CDKL5: variants seen among roughly 807,000 people sequenced by gnomAD.
CDKL5 encodes cyclin-dependent kinase-like 5.
Under a neutral mutation model 61.7 loss-of-function variants are expected in CDKL5, and 8 were observed. The ratio of observed to expected loss-of-function variants is 0.13; its 90% CI spans 0.08 to 0.23. The LOEUF is 0.23. Among genes scored for constraint, CDKL5 ranks in the 10% least tolerant of loss-of-function variants. CDKL5 has a pLI of 1.00. For synonymous variants in CDKL5, 275 were observed against 272.3 expected (o/e 1.01, Z -0.10); for missense variants, 440 against 734.5 (o/e 0.60, Z 4.63).
chrX:18,594,756 C>T lies in CDKL5; in HGVS notation c.745-592C>T, dbSNP rs147211691. 2.8e-3 allele frequency among the ~76,000 whole-genome samples: 315 copies of T among 112,788 alleles called. 1 individual carries two copies. Among genetic ancestry groups the T allele is most frequent in the Non-Finnish European group, 5.1e-3 (270 of 53,328 alleles). ...TATAATCAGATGATATTCTATTTTACTGCATAATTAGTTCAAATTTTTATA... is the reference window on the plus strand; with the variant it reads ...TATAATCAGATGATATTCTATTTTATTGCATAATTAGTTCAAATTTTTATA... On this transcript the variant is annotated intron_variant, in intron 9 of 17. Coordinates refer to ENST00000623535, the MANE Select transcript of CDKL5 (RefSeq NM_001323289.2).
At chrX:18,597,489 C>T (rs1174543851) in intron 10 of CDKL5, among the ~76,000 whole-genome samples, 1 of 109,366 alleles carries the variant, frequency 9.1e-6, no homozygotes, top group African/African-American at 3.3e-5. Flanking sequence ...GTTTTCCCTC[C>T]AAGTACTGAA....
intron 1 of CDKL5, among the ~76,000 whole-genome samples, chrX:18,461,839 G>A (rs76456608): frequency 1.6e-4 from 18 of 111,992 alleles, no homozygotes; most frequent in African/African-American, 5.5e-4. Flanking sequence ...AATGGGGATA[G>A]GAGGCACATA....
intron 1 of CDKL5, among the ~76,000 whole-genome samples, chrX:18,453,245 T>G (rs968913244): frequency 8.9e-6 from 1 of 111,887 alleles, no homozygotes; most frequent in African/African-American, 3.2e-5. Context: ...CATAACCTCT[T>G]CAGTCTGAAA....
At chrX:18,428,102 G>A (rs1395650527) in intron 1 of CDKL5, among the ~76,000 whole-genome samples, 1 of 111,689 alleles carries the variant, frequency 9.0e-6, no homozygotes, top group African/African-American at 3.3e-5. Flanking sequence ...CAGATTTTAC[G>A]TGGTGTTTCT....
intron 3 of CDKL5, among the ~76,000 whole-genome samples, chrX:18,541,824 G>GT (rs1179690254): frequency 2.9e-4 from 31 of 106,985 alleles, no homozygotes; most frequent in East Asian, 1.2e-3. Context: ...CTGGCCTAAA[G>GT]TTTTTTTTTT....
At position 18,530,282 on chromosome X, in the gene CDKL5, G is replaced by C. The variant is rs920062895; in HGVS notation, c.99+19428G>C. Reference sequence around the variant, plus strand: ...TGGGAGGCGACAGAGGTTGCAGTGAGCCAAGATCACACCACTGCACTCCAG... The same window carrying C: ...TGGGAGGCGACAGAGGTTGCAGTGACCCAAGATCACACCACTGCACTCCAG... On this transcript the variant is annotated intron_variant, in intron 3 of 17. Transcript: ENST00000623535. Among the ~76,000 whole-genome samples, 4 of 103,613 alleles carry C rather than the reference G, an allele frequency of 3.9e-5. No individual in the cohort carries two copies. In the Admixed American group the frequency reaches 4.2e-4, roughly 11 times the overall value. 90.0% of individuals were successfully genotyped at this position (103,613 alleles called of 115,157 possible).
At chrX:18,625,664 G>A (rs1035456390) in intron 17 of CDKL5, among the ~76,000 whole-genome samples, 5 of 111,564 alleles carry the variant, frequency 4.5e-5, no homozygotes, top group African/African-American at 9.8e-5. Context: ...TTGAAAGACA[G>A]GTATGATAAG....
intron 3 of CDKL5, among the ~76,000 whole-genome samples, chrX:18,525,047 TA>T (rs1569201988): frequency 9.0e-6 from 1 of 111,317 alleles, no homozygotes; most frequent in Non-Finnish European, 1.9e-5. Context: ...CTCAGTCTCC[TA>T]AGTGGTTGGG....
chrX:18,481,268 G>A (rs1285142911), intron 1 of CDKL5, among the ~76,000 whole-genome samples: 1 of 107,394 alleles, frequency 9.3e-6, no homozygotes, highest in Non-Finnish European at 1.9e-5. Flanking sequence ...GGCTCATCTT[G>A]TACATTTTTA....
At chrX:18,535,417 A>G (rs1923787320) in intron 3 of CDKL5, 1 of 112,418 alleles carries the variant, frequency 8.9e-6, no homozygotes, top group Non-Finnish European at 1.9e-5. Context: ...AGTTGCCCAA[A>G]TTGATGATGT....
chrX:18,642,124 C>A (rs769781603), downstream of CDKL5: 3 of 1,211,440 alleles, frequency 2.5e-6, no homozygotes, highest in East Asian at 8.9e-5. Flanking sequence ...GGTTCTGAAC[C>A]GTGGAGGTGC....
chrX:18,430,530 G>T (rs1002444869), intron 1 of CDKL5, among the ~76,000 whole-genome samples: 7 of 111,308 alleles, frequency 6.3e-5, no homozygotes, highest in African/African-American at 2.3e-4. Flanking sequence ...TGCAACCTCC[G>T]TCTCCTGGGT....
At chrX:18,518,388 ATTTTTTTTTTTTTTTTT>A (rs779361711) in intron 3 of CDKL5, among the ~76,000 whole-genome samples, 198 of 21,148 alleles carry the variant, frequency 9.4e-3, no homozygotes, top group Non-Finnish European at 0.015. Context: ...TTCTTTTCTT[ATTTTTTTTTTTTTTTTT>A]TTTTTTTTTT....
rs1013718237 is a variant in CDKL5, at chrX:18,637,553, C to T, written c.*8796C>T. ...CTCCCACCTGGACGACAGAGCGAGA[C>T]GCCATCTCAAAAATAAATAAATAAA... On this transcript the variant is annotated 3_prime_UTR_variant, in exon 18 of 18. Transcript: ENST00000623535. 9.1e-6 allele frequency: 1 copy of T among 110,368 alleles called. No homozygotes were observed. The highest frequency in any genetic ancestry group is 3.3e-5 in the African/African-American group (1 of 30,258). 9.1% of individuals were successfully genotyped at this position (110,368 alleles called of 1,213,427 possible).
intron 8 of CDKL5, among the ~76,000 whole-genome samples, chrX:18,585,553 C>G (rs1017712087): frequency 1.0e-5 from 1 of 100,122 alleles, no homozygotes; most frequent in African/African-American, 5.1e-5. Context: ...TTGTGGCCAC[C>G]CTTTAACTTT....
chrX:18,509,392 A>C (rs1233104255), intron 2 of CDKL5, among the ~76,000 whole-genome samples: 1 of 110,988 alleles, frequency 9.0e-6, no homozygotes. Context: ...TTCTATGCTA[A>C]CTGTGATAAT....
chrX:18,585,336 A>G (rs374113715), intron 8 of CDKL5, among the ~76,000 whole-genome samples: 15 of 111,339 alleles, frequency 1.3e-4, no homozygotes, highest in African/African-American at 4.6e-4. Flanking sequence ...CAGAGGTCGC[A>G]GTGGGCTGAT....
chrX:18,558,478 T>A (rs1924680968), intron 3 of CDKL5, among the ~76,000 whole-genome samples: 1 of 111,987 alleles, frequency 8.9e-6, no homozygotes, highest in Non-Finnish European at 1.9e-5. Flanking sequence ...GCGTGTTACT[T>A]CCTACCTCTC....
At chrX:18,482,597 C>G (rs1219265704) in intron 1 of CDKL5, among the ~76,000 whole-genome samples, 2 of 111,186 alleles carry the variant, frequency 1.8e-5, no homozygotes, top group African/African-American at 3.3e-5. Context: ...TGCTTTTCCT[C>G]CCACTCAAAT....
Sources: gnomAD v4.1 joint callset for allele counts (sites outside exome capture counted in the v4.1 genomes callset) on GRCh38, gnomAD v4.1.1 for gene constraint, MANE v1.5 for transcripts, NCBI Gene and HGNC (gene_info 2026-07-23, HGNC 2026-07-21) for gene names.